Variants in C4orf17 observed in about 807,000 individuals in gnomAD.
C4orf17 encodes the protein uncharacterized protein C4orf17.
A neutral mutation model predicts 32.0 loss-of-function variants in C4orf17; 25 were observed. The observed-to-expected ratio is 0.78, with a 90% CI of 0.57 to 1.09. The LOEUF is 1.09. Ranked by LOEUF, C4orf17 falls within the 50% of genes least tolerant of loss-of-function variation. C4orf17 has a pLI of 0.00. For missense variants in C4orf17, 420 were observed against 420.0 expected, an observed-to-expected ratio of 1.00 and a Z score of 0.00; for synonymous variants, 149 against 145.8, an observed-to-expected ratio of 1.02 and a Z score of -0.16.
chr4:99,522,209 T>C (rs971025535), intron 2 of C4orf17, among the ~76,000 whole-genome samples: 1 of 152,194 alleles, frequency 6.6e-6, no homozygotes, highest in Non-Finnish European at 1.5e-5. Context: ...GAAGGTCTAC[T>C]CCACTTGAAT....
intron 6 of C4orf17, among the ~76,000 whole-genome samples, chr4:99,538,554 A>G (rs940186970): frequency 2.0e-5 from 3 of 152,216 alleles, no homozygotes; most frequent in African/African-American, 7.2e-5. Flanking sequence ...TTTTTAGGCA[A>G]TTGAGAAGTG....
intron 1 of C4orf17, among the ~76,000 whole-genome samples, 161 bp downstream of exon 1, chr4:99,511,433 T>C (rs532940643): frequency 6.6e-5 from 10 of 152,122 alleles, no homozygotes; most frequent in Non-Finnish European, 1.5e-4. Context: ...CTTTTTTTTT[T>C]TCAAAATTTA....
chr4:99,515,949 C>T (rs551398415), intron 2 of C4orf17, among the ~76,000 whole-genome samples: 1 of 152,010 alleles, frequency 6.6e-6, no homozygotes, highest in Non-Finnish European at 1.5e-5. Context: ...CAGGACCAAG[C>T]AATGGCAGAA....
At chr4:99,525,971 C>T (rs544464592) in intron 4 of C4orf17, among the ~76,000 whole-genome samples, 5 of 152,092 alleles carry the variant, frequency 3.3e-5, no homozygotes, top group African/African-American at 1.2e-4. Context: ...ATCATAGTTT[C>T]GCATCTGCAT....
chr4:99,537,089 C>T (rs910280166), intron 5 of C4orf17, among the ~76,000 whole-genome samples: 4 of 151,960 alleles, frequency 2.6e-5, no homozygotes, highest in Non-Finnish European at 5.9e-5. Flanking sequence ...GGGGGGAGGT[C>T]GACTAGGGAT....
intron 2 of C4orf17, among the ~76,000 whole-genome samples, chr4:99,515,787 TA>T (rs202186119): frequency 0.024 from 3,564 of 151,188 alleles, 81 homozygotes; most frequent in Non-Finnish European, 0.037. Flanking sequence ...AATTAATTAT[TA>T]AAAAAATTAA....
At chr4:99,518,810 C>T (rs1488507303) in intron 2 of C4orf17, among the ~76,000 whole-genome samples, 1 of 151,740 alleles carries the variant, frequency 6.6e-6, no homozygotes, top group Non-Finnish European at 1.5e-5. Flanking sequence ...TCTGGATTTC[C>T]ACACATACTC....
chr4:99,513,349 G>A (rs1723127859), intron 2 of C4orf17, 141 bp downstream of exon 2: 1 of 1,052,586 alleles, frequency 9.5e-7, no homozygotes, highest in African/African-American at 1.6e-5. Flanking sequence ...GGGACTAGAT[G>A]CCAGCACTGT....
chr4:99,525,252 T>C (rs1020146618), intron 4 of C4orf17, among the ~76,000 whole-genome samples: 2 of 152,170 alleles, frequency 1.3e-5, no homozygotes, highest in South Asian at 2.1e-4. Flanking sequence ...AGCCAAATTG[T>C]TTTCCAAAAT....
At chr4:99,533,103 A>G (rs1454265090) in intron 5 of C4orf17, among the ~76,000 whole-genome samples, 1 of 152,200 alleles carries the variant, frequency 6.6e-6, no homozygotes, top group Non-Finnish European at 1.5e-5. Context: ...GTAATACTTT[A>G]TAAGTCCTAT....
intron 5 of C4orf17, among the ~76,000 whole-genome samples, chr4:99,532,079 C>A (rs932333647): frequency 5.3e-5 from 8 of 152,236 alleles, no homozygotes; most frequent in African/African-American, 1.2e-4. Context: ...GTCTGCCAAA[C>A]TCTTATAAAC....
intron 2 of C4orf17, among the ~76,000 whole-genome samples, chr4:99,518,577 AG>A (rs1560585638): frequency 3.0e-4 from 37 of 123,316 alleles, no homozygotes; most frequent in African/African-American, 1.3e-3. Flanking sequence ...AGAGAGAGAG[AG>A]AGAGAGGGAG....
intron 4 of C4orf17, among the ~76,000 whole-genome samples, chr4:99,529,555 C>T (rs884275): frequency 0.43 from 64,599 of 151,990 alleles, 15,338 homozygotes; most frequent in African/African-American, 0.65. Flanking sequence ...TATAAAAGGT[C>T]ATACATTGCA....
intron 5 of C4orf17, among the ~76,000 whole-genome samples, chr4:99,530,861 A>T (rs907083649): frequency 8.5e-5 from 13 of 152,244 alleles, no homozygotes; most frequent in Admixed American, 2.6e-4. Context: ...TTATTTCCTG[A>T]TGATTCTGGC....
intron 8 of C4orf17, 86 bp from the exon 9 acceptor site, chr4:99,541,824 T>C: frequency 1.0e-6 from 1 of 957,282 alleles, no homozygotes; most frequent in Non-Finnish European, 1.6e-6. Flanking sequence ...ATATAGTTTT[T>C]TATAGATAAT....
chr4:99,511,979 A>G (rs1337394973), intron 1 of C4orf17, among the ~76,000 whole-genome samples: 1 of 152,164 alleles, frequency 6.6e-6, no homozygotes, highest in Non-Finnish European at 1.5e-5. Flanking sequence ...CAAGTCTGGG[A>G]ATTTATACAC....
At chr4:99,539,134 C>A (rs769380244) in intron 6 of C4orf17, 29 bp from the exon 7 acceptor site, 1 of 1,600,484 alleles carries the variant, frequency 6.2e-7, no homozygotes, top group Admixed American at 1.7e-5. Context: ...ACCTTCACTC[C>A]TCCCACCCTT....
chr4:99,539,371 G>T lies in C4orf17; in HGVS notation c.836+1G>T. On this transcript the variant is annotated splice_donor_variant, in intron 7 of 8. Transcript: ENST00000326581. LOFTEE classifies it high-confidence loss of function. ...ATACAGAAGGGGATCAACCAACCAG[G>T]TAATTAGATATAATGGCCCCCTAGA... 6.2e-7 allele frequency: 1 copy of T among 1,612,768 alleles called. No individual in the cohort carries two copies. Among genetic ancestry groups the T allele is most frequent in the South Asian group, 1.1e-5 (1 of 91,052 alleles).
chr4:99,531,829 G>A (rs2110171911), intron 5 of C4orf17, among the ~76,000 whole-genome samples: 1 of 147,972 alleles, frequency 6.8e-6, no homozygotes, highest in African/African-American at 2.6e-5. Context: ...CATCTTGGAG[G>A]CATTCTATTC....
Sources: allele counts gnomAD v4.1 joint callset (sites outside exome capture counted in the v4.1 genomes callset), GRCh38; gene constraint gnomAD v4.1.1; transcripts MANE v1.5; gene names NCBI Gene and HGNC (gene_info 2026-07-23, HGNC 2026-07-21).